The following GUCY1A2 variants were observed in gnomAD, a reference collection of about 807,000 sequenced individuals.
GUCY1A2 encodes guanylate cyclase soluble subunit alpha-2.
A neutral mutation model predicts 63.5 loss-of-function variants in GUCY1A2; 27 were observed. That is an observed-to-expected ratio of 0.43 (90% CI 0.31 to 0.59). The LOEUF is 0.59. GUCY1A2 is among the 20% of genes least tolerant of loss of function. The pLI is 0.11. For missense variants in GUCY1A2, 768 were observed against 913.3 expected, an observed-to-expected ratio of 0.84 and a Z score of 2.05; for synonymous variants, 364 against 343.5, an observed-to-expected ratio of 1.06 and a Z score of -0.66.
In GUCY1A2 at chr11:106,985,090, C is replaced by T. The variant is rs1861384603; in HGVS notation, c.365+980G>A. Among the ~76,000 whole-genome samples the T allele has an allele frequency of 2.6e-5, 4 of 151,898 alleles. No individual in the cohort carries two copies. The South Asian group carries it at 8.3e-4, about 32-fold the overall frequency. On this transcript the variant is annotated intron_variant, in intron 2 of 7. Transcript: ENST00000526355. ...CTGTGAAAAAAAAATCACACTATAC[C>T]GTAATAATCAAAATTATGTTATTGA...
In GUCY1A2 at chr11:106,916,582, A is replaced by G. The variant is rs528364433; in HGVS notation, c.1206+22878T>C. Among the ~76,000 whole-genome samples, 5 of 145,780 alleles carry G rather than the reference A, an allele frequency of 3.4e-5. No homozygotes were observed. In the East Asian group the frequency reaches 1.1e-3, roughly 31 times the overall value. On this transcript the variant is annotated intron_variant, in intron 4 of 7. Coordinates refer to ENST00000526355, the MANE Select transcript of GUCY1A2 (RefSeq NM_000855.3). ...ACCAGGTGAGCCATATTTTAACTAG[A>G]GTGAAATGCAGTTTTGAAGTACACA... is the stretch of plus-strand genomic sequence containing the variant.
intron 4 of GUCY1A2, among the ~76,000 whole-genome samples, chr11:106,923,049 C>G (rs1205461071): frequency 2.0e-5 from 3 of 151,972 alleles, no homozygotes; most frequent in African/African-American, 7.3e-5. Flanking sequence ...GGACTAATAG[C>G]CAAAACTGGG....
At chr11:106,698,508 A>G (rs1000295352) in intron 7 of GUCY1A2, among the ~76,000 whole-genome samples, 3 of 152,186 alleles carry the variant, frequency 2.0e-5, no homozygotes, top group Admixed American at 6.5e-5. Context: ...ATAATATAGA[A>G]GAATTGCAAA....
At chr11:106,986,176 G>A (rs778567897) in intron 1 of GUCY1A2, 45 bp from the exon 2 acceptor site, 5 of 944,356 alleles carry the variant, frequency 5.3e-6, no homozygotes, top group Non-Finnish European at 8.6e-6. Flanking sequence ...CAGCAAATCA[G>A]TACCATTCCC....
At position 107,016,915 on chromosome 11, in the gene GUCY1A2, T is replaced by C. The variant is rs1313960093; in HGVS notation, c.303+838A>G. Among the ~76,000 whole-genome samples, 4 of 152,196 alleles carry C rather than the reference T, an allele frequency of 2.6e-5. 1 individual carries two copies. In the South Asian group the frequency reaches 6.2e-4, roughly 24 times the overall value. Reference sequence around the variant, plus strand: ...AGTACAGAGCGGTTTAAATAGCTAATGCATGCGAAGCTTAATACCTAGGTG... The same window carrying C: ...AGTACAGAGCGGTTTAAATAGCTAACGCATGCGAAGCTTAATACCTAGGTG... On this transcript the variant is annotated intron_variant, in intron 1 of 7. Transcript: ENST00000526355.
chr11:106,689,028 T>C (rs1406535423), intron 7 of GUCY1A2, among the ~76,000 whole-genome samples: 1 of 152,060 alleles, frequency 6.6e-6, no homozygotes, highest in Non-Finnish European at 1.5e-5. Context: ...AAACAATCCA[T>C]CCTCCTAAGA....
At chr11:106,979,547 T>C (rs929977580) in intron 2 of GUCY1A2, among the ~76,000 whole-genome samples, 4 of 152,136 alleles carry the variant, frequency 2.6e-5, no homozygotes, top group African/African-American at 9.6e-5. Flanking sequence ...TACCATTTTC[T>C]ATCTGTGAGA....
At chr11:106,692,931 A>G (rs1015417382) in intron 7 of GUCY1A2, among the ~76,000 whole-genome samples, 1 of 152,238 alleles carries the variant, frequency 6.6e-6, no homozygotes, top group Non-Finnish European at 1.5e-5. Flanking sequence ...TAATAGCGGC[A>G]GACTAGTATA....
intron 1 of GUCY1A2, among the ~76,000 whole-genome samples, chr11:106,989,885 A>T (rs1488315210): frequency 6.6e-6 from 1 of 152,206 alleles, no homozygotes; most frequent in Non-Finnish European, 1.5e-5. Flanking sequence ...ATCATAGCTA[A>T]GGTCAAGACC....
chr11:106,784,629 A>C (rs937008008), intron 5 of GUCY1A2, among the ~76,000 whole-genome samples: 1 of 152,178 alleles, frequency 6.6e-6, no homozygotes, highest in Non-Finnish European at 1.5e-5. Context: ...TCCACATTTT[A>C]ATTTTATCCT....
At chr11:106,898,940 C>T (rs1241515522) in intron 4 of GUCY1A2, among the ~76,000 whole-genome samples, 1 of 152,118 alleles carries the variant, frequency 6.6e-6, no homozygotes, top group Non-Finnish European at 1.5e-5. Context: ...AAGGCTATGC[C>T]TGTTGAAGAG....
intron 7 of GUCY1A2, among the ~76,000 whole-genome samples, chr11:106,689,408 C>G (rs1862583049): frequency 1.3e-5 from 2 of 152,026 alleles, no homozygotes; most frequent in Non-Finnish European, 2.9e-5. Flanking sequence ...CTTTCAAAAG[C>G]CTTATCCCAT....
intron 4 of GUCY1A2, among the ~76,000 whole-genome samples, chr11:106,825,515 TTGAGAA>T (rs996288027): frequency 1.3e-5 from 2 of 151,338 alleles, no homozygotes; most frequent in African/African-American, 4.9e-5. Context: ...TGTAAAATAT[TTGAGAA>T]TAAGTCCATA....
chr11:106,791,726 T>C (rs1257280027), intron 5 of GUCY1A2, among the ~76,000 whole-genome samples: 1 of 152,178 alleles, frequency 6.6e-6, no homozygotes, highest in Non-Finnish European at 1.5e-5. Context: ...AAGTCAAATT[T>C]GTCACATGCT....
At chr11:106,702,403 A>ATAAC (rs1199468359) in intron 7 of GUCY1A2, among the ~76,000 whole-genome samples, 3 of 152,210 alleles carry the variant, frequency 2.0e-5, no homozygotes, top group Non-Finnish European at 1.5e-5. Flanking sequence ...ATTAAATATT[A>ATAAC]TAACTTCTTG....
chr11:106,957,196 G>C (rs1362103740), intron 3 of GUCY1A2, among the ~76,000 whole-genome samples: 1 of 152,164 alleles, frequency 6.6e-6, no homozygotes, highest in African/African-American at 2.4e-5. Flanking sequence ...ACCCTGCCCA[G>C]GGAGCTTAGT....
chr11:106,687,702 A>C lies in GUCY1A2; in HGVS notation c.2046T>G (p.Leu682=). The C allele has an allele frequency of 6.2e-7, 1 of 1,613,586 alleles. No individual in the cohort carries two copies. The highest frequency in any genetic ancestry group is 8.5e-7 in the Non-Finnish European group (1 of 1,179,476). ...FTFIPRSREE[L]PDNFPKEIPG... Reference sequence around the variant, plus strand: ...GAATTTCCTTTGGAAAGTTGTCTGGAAGCTCTTCACGAGACCGCGGAATGA... The same window carrying C: ...GAATTTCCTTTGGAAAGTTGTCTGGCAGCTCTTCACGAGACCGCGGAATGA... The change falls in exon 8 of 8, where the codon CTT becomes CTG. Residue 682 remains leucine, a synonymous_variant. Transcript: ENST00000526355.
chr11:106,769,268 A>C (rs930046082), intron 6 of GUCY1A2, among the ~76,000 whole-genome samples: 2 of 152,200 alleles, frequency 1.3e-5, no homozygotes, highest in African/African-American at 4.8e-5. Context: ...CAATCATTAC[A>C]GATGATTTAT....
chr11:106,923,607 A>G (rs1050913497), intron 4 of GUCY1A2, among the ~76,000 whole-genome samples: 1 of 152,208 alleles, frequency 6.6e-6, no homozygotes, highest in Non-Finnish European at 1.5e-5. Context: ...ACATATGACA[A>G]AAAGGTACAT....
Sources: allele counts gnomAD v4.1 joint callset (sites outside exome capture counted in the v4.1 genomes callset), GRCh38; gene constraint gnomAD v4.1.1; transcripts MANE v1.5; gene names NCBI Gene and HGNC (gene_info 2026-07-23, HGNC 2026-07-21).